The following CSMD2 variants were observed in gnomAD, a reference collection of about 807,000 sequenced individuals.
CSMD2 encodes the protein CUB and Sushi multiple domains 2.
A neutral mutation model predicts 398.5 loss-of-function variants in CSMD2; 130 were observed. The ratio of observed to expected loss-of-function variants is 0.33; its 90% CI spans 0.28 to 0.38. The LOEUF (loss-of-function observed/expected upper bound fraction) is 0.38, where lower values mean the gene tolerates loss of function less well. CSMD2 is among the 10% of genes least tolerant of loss of function. The pLI is 1.00. For synonymous variants in CSMD2, 1,828 were observed against 1,908.5 expected, an observed-to-expected ratio of 0.96 and a Z score of 1.10; for missense variants, 3,829 against 4,764.9, an observed-to-expected ratio of 0.80 and a Z score of 5.78.
chr1:33,693,508 T>A (rs1645312288), intron 24 of CSMD2, among the ~76,000 whole-genome samples: 1 of 152,318 alleles, frequency 6.6e-6, no homozygotes, highest in African/African-American at 2.4e-5. Context: ...TGTAAAATGG[T>A]GCAGCTGCTT....
At chr1:34,108,275 GA>G (rs1660714218) in intron 1 of CSMD2, among the ~76,000 whole-genome samples, 2 of 52,798 alleles carry the variant, frequency 3.8e-5, no homozygotes, top group Non-Finnish European at 8.2e-5. Context: ...ACCCTAATGA[GA>G]GAGAGAGAAA....
At position 33,542,714 on chromosome 1, in the gene CSMD2, T is replaced by C. The variant is rs1171875767; in HGVS notation, c.9277+6A>G. ...GCCATGGAACCCGTAGGGCCTGAGC[T>C]CTCACCGAGGCACTCAGGGTCACTG... is the stretch of plus-strand genomic sequence containing the variant. On this transcript the variant is annotated splice_donor_region_variant and intron_variant, in intron 58 of 70. Transcript: ENST00000373381. The C allele has an allele frequency of 7.4e-6, 12 of 1,611,916 alleles. No homozygotes were observed. The highest frequency in any genetic ancestry group is 1.0e-5 in the Non-Finnish European group (12 of 1,178,942).
At chr1:34,017,731 A>G (rs904277016) in intron 3 of CSMD2, among the ~76,000 whole-genome samples, 6 of 152,206 alleles carry the variant, frequency 3.9e-5, no homozygotes, top group Non-Finnish European at 1.5e-5. Flanking sequence ...CCTGGGTGAC[A>G]GAGTAAGGCC....
chr1:33,678,130 AG>A (rs1182986686), intron 25 of CSMD2, among the ~76,000 whole-genome samples: 3 of 151,694 alleles, frequency 2.0e-5, no homozygotes, highest in African/African-American at 7.3e-5. Context: ...TAAAAAAAAA[AG>A]AGCGTGGCTC....
chr1:33,772,531 G>T (rs750047627), intron 13 of CSMD2, 38 bp downstream of exon 13: 1 of 1,586,554 alleles, frequency 6.3e-7, no homozygotes, highest in Non-Finnish European at 8.6e-7. Context: ...CTGCCTCTCA[G>T]TGAAGACCCT....
intron 1 of CSMD2, among the ~76,000 whole-genome samples, chr1:34,162,268 G>A (rs1288594934): frequency 6.6e-6 from 1 of 151,802 alleles, no homozygotes; most frequent in Non-Finnish European, 1.5e-5. Flanking sequence ...GAGGGGGAGG[G>A]GGAGTGCAAG....
chr1:33,689,735 GAT>G (rs1645173199), intron 25 of CSMD2, among the ~76,000 whole-genome samples: 1 of 152,138 alleles, frequency 6.6e-6, no homozygotes, highest in African/African-American at 2.4e-5. Flanking sequence ...CTCTTTAGAC[GAT>G]GTGTGCCAAA....
chr1:33,859,809 T>C (rs1639356548), intron 5 of CSMD2, among the ~76,000 whole-genome samples: 1 of 152,162 alleles, frequency 6.6e-6, no homozygotes, highest in Admixed American at 6.5e-5. Flanking sequence ...TGCTGCAAAA[T>C]CTGAGAGATA....
intron 2 of CSMD2, among the ~76,000 whole-genome samples, chr1:34,083,214 A>C (rs1571051252): frequency 1.3e-5 from 2 of 152,362 alleles, no homozygotes; most frequent in East Asian, 1.9e-4. Context: ...CACACACACA[A>C]AAAAGTGCAG....
chr1:34,147,417 AG>A (rs1639878926), intron 1 of CSMD2, among the ~76,000 whole-genome samples: 2 of 149,424 alleles, frequency 1.3e-5, no homozygotes, highest in Non-Finnish European at 3.0e-5. Context: ...GATGGTCAGA[AG>A]GTCAGGAAGC....
intron 5 of CSMD2, among the ~76,000 whole-genome samples, chr1:33,865,569 G>A (rs1281015656): frequency 6.6e-6 from 1 of 152,100 alleles, no homozygotes; most frequent in African/African-American, 2.4e-5. Context: ...ACAGTCATTG[G>A]CTCAGTGGTG....
At chr1:33,820,095 AC>A (rs2124996287) in intron 8 of CSMD2, among the ~76,000 whole-genome samples, 1 of 152,296 alleles carries the variant, frequency 6.6e-6, no homozygotes, top group Admixed American at 6.5e-5. Context: ...TGAGATAAGC[AC>A]CAGTTAGGGC....
intron 25 of CSMD2, among the ~76,000 whole-genome samples, chr1:33,677,253 C>CA (rs1644747664): frequency 1.3e-5 from 2 of 152,170 alleles, no homozygotes; most frequent in Admixed American, 1.3e-4. Flanking sequence ...TGAACTCAAA[C>CA]AAATTTACAA....
At chr1:33,788,739 G>GTGC in intron 11 of CSMD2, 27 bp from the exon 12 acceptor site, 1 of 1,360,832 alleles carries the variant, frequency 7.3e-7, no homozygotes, top group East Asian at 2.3e-5. Context: ...ATTTAGAGGT[G>GTGC]TGCTCTCCAC....
chr1:33,726,077 G>T (rs1277915435), intron 16 of CSMD2, among the ~76,000 whole-genome samples: 1 of 152,218 alleles, frequency 6.6e-6, no homozygotes, highest in Admixed American at 6.5e-5. Context: ...GAAGAAGTTT[G>T]TTTTCACATT....
rs947070173 is a variant in CSMD2 at position 34,047,292 on chromosome 1, T to G, written c.405-14586A>C. 3.9e-5 allele frequency among the ~76,000 whole-genome samples: 6 copies of G among 152,150 alleles called. No individual in the cohort carries two copies. In the East Asian group the frequency reaches 1.2e-3, roughly 29 times the overall value. On this transcript the variant is annotated intron_variant, in intron 2 of 70. Transcript: ENST00000373381. Reference sequence around the variant, plus strand: ...CAGGGCCTTTGCACCTGCTCTTCTCTCAGTTTCCTCCAGCTACCTCATCTC... The same window carrying G: ...CAGGGCCTTTGCACCTGCTCTTCTCGCAGTTTCCTCCAGCTACCTCATCTC...
chr1:34,127,718 A>G (rs1662888369), intron 1 of CSMD2, among the ~76,000 whole-genome samples: 1 of 152,094 alleles, frequency 6.6e-6, no homozygotes, highest in Admixed American at 6.5e-5. Flanking sequence ...CGTAGGTTAG[A>G]GATGTGAGTT....
intron 3 of CSMD2, among the ~76,000 whole-genome samples, chr1:33,990,188 C>T (rs1646501439): frequency 6.6e-6 from 1 of 152,080 alleles, no homozygotes; most frequent in Non-Finnish European, 1.5e-5. Context: ...AGGAGAATCA[C>T]CTGAACCTGG....
chr1:34,062,570 G>A (rs1018892994), intron 2 of CSMD2, among the ~76,000 whole-genome samples: 3 of 152,194 alleles, frequency 2.0e-5, no homozygotes, highest in African/African-American at 4.8e-5. Flanking sequence ...GGGCTCCGGG[G>A]GCAAGACCAT....
Sources: allele counts gnomAD v4.1 joint callset (sites outside exome capture counted in the v4.1 genomes callset), GRCh38; gene constraint gnomAD v4.1.1; transcripts MANE v1.5; gene names NCBI Gene and HGNC (gene_info 2026-07-23, HGNC 2026-07-21).